THSD4: variants seen among roughly 807,000 people sequenced by gnomAD.
THSD4 encodes thrombospondin type 1 domain containing 4, also known as thrombospondin type-1 domain-containing protein 4.
In THSD4, 69 loss-of-function variants were observed where a neutral mutation model predicts 119.0. The observed-to-expected ratio is 0.58, with a 90% CI of 0.48 to 0.71. The LOEUF is 0.71. Among genes scored for constraint, THSD4 ranks in the 30% least tolerant of loss-of-function variants. The pLI is 0.00. For missense variants in THSD4, 1,393 were observed against 1,391.1 expected (o/e 1.00, Z -0.02); for synonymous variants, 524 against 540.4 (o/e 0.97, Z 0.42).
intron 7 of THSD4, among the ~76,000 whole-genome samples, chr15:71,473,830 A>T (rs147376072): frequency 1.3e-5 from 2 of 152,350 alleles, no homozygotes; most frequent in African/African-American, 2.4e-5. Context: ...GAAGGTTCTC[A>T]CCAGTGGAAG....
intron 4 of THSD4, among the ~76,000 whole-genome samples, chr15:71,229,978 C>T (rs530628659): frequency 1.3e-5 from 2 of 152,286 alleles, no homozygotes; most frequent in African/African-American, 4.8e-5. Context: ...GAGCCTTTCA[C>T]ATAAAAGATG....
chr15:71,548,261 C>T (rs1475455716), intron 7 of THSD4, among the ~76,000 whole-genome samples: 3 of 152,196 alleles, frequency 2.0e-5, no homozygotes, highest in Non-Finnish European at 4.4e-5. Context: ...CCACTCCTTT[C>T]CCTCCTTACC....
At chr15:71,447,982 G>A (rs1455363359) in intron 7 of THSD4, among the ~76,000 whole-genome samples, 1 of 152,168 alleles carries the variant, frequency 6.6e-6, no homozygotes, top group Non-Finnish European at 1.5e-5. Context: ...CTTTTCCTCT[G>A]GTAAACAGTA....
At chr15:71,504,069 G>GA (rs1195800096) in intron 7 of THSD4, among the ~76,000 whole-genome samples, 1 of 152,066 alleles carries the variant, frequency 6.6e-6, no homozygotes, top group Admixed American at 6.5e-5. Flanking sequence ...GGGAGAGGTG[G>GA]AAAAAAATGG....
At chr15:71,449,061 G>T (rs1174562016) in intron 7 of THSD4, among the ~76,000 whole-genome samples, 1 of 152,162 alleles carries the variant, frequency 6.6e-6, no homozygotes, top group East Asian at 1.9e-4. Flanking sequence ...AGCCTTACCA[G>T]TGTGCCTGTC....
At chr15:71,400,143 G>A (rs1339412254) in intron 6 of THSD4, among the ~76,000 whole-genome samples, 2 of 152,122 alleles carry the variant, frequency 1.3e-5, no homozygotes. Context: ...AAAGGACATT[G>A]CCTTTAGAAA....
chr15:71,755,353 A>G (rs1341922885), intron 14 of THSD4, among the ~76,000 whole-genome samples: 1 of 152,222 alleles, frequency 6.6e-6, no homozygotes, highest in Non-Finnish European at 1.5e-5. Flanking sequence ...GCATACAAAA[A>G]TGAAAGTGGA....
chr15:71,117,173 T>A (rs935622656), intron 1 of THSD4, among the ~76,000 whole-genome samples: 2 of 152,170 alleles, frequency 1.3e-5, no homozygotes, highest in Admixed American at 6.5e-5. Context: ...GTGGAACTCA[T>A]GTGATCTCCT....
intron 6 of THSD4, among the ~76,000 whole-genome samples, chr15:71,337,522 A>C (rs2045503960): frequency 1.3e-5 from 2 of 152,250 alleles, no homozygotes; most frequent in South Asian, 4.1e-4. Flanking sequence ...TCCCAAATGG[A>C]AACTGGATAA....
chr15:71,636,866 G>A (rs901794976), intron 7 of THSD4, among the ~76,000 whole-genome samples: 2 of 151,766 alleles, frequency 1.3e-5, no homozygotes, highest in Admixed American at 1.3e-4. Context: ...TGTGGGCCAG[G>A]CGCTCTCTCT....
chr15:71,719,295 A>G (rs2052669141), intron 8 of THSD4, among the ~76,000 whole-genome samples: 1 of 152,244 alleles, frequency 6.6e-6, no homozygotes, highest in South Asian at 2.1e-4. Flanking sequence ...ATCATGTTTT[A>G]GAAACTCACA....
chr15:71,706,601 C>T (rs147509831), intron 8 of THSD4, among the ~76,000 whole-genome samples: 19 of 152,238 alleles, frequency 1.2e-4, no homozygotes, highest in African/African-American at 4.1e-4. Flanking sequence ...CAGCTCCCTT[C>T]GGAGAGGAGA....
intron 3 of THSD4, chr15:71,165,187 G>A (rs1366319659): frequency 6.3e-7 from 1 of 1,576,956 alleles, no homozygotes; most frequent in East Asian, 2.2e-5. Context: ...GAGGGATGTA[G>A]GTTTTCATTT....
intron 8 of THSD4, among the ~76,000 whole-genome samples, chr15:71,724,092 A>G (rs113511643): frequency 0.019 from 2,612 of 140,612 alleles, 89 homozygotes; most frequent in African/African-American, 0.064. Flanking sequence ...AAAAAAAATG[A>G]ATAGAACTTG....
rs1046013859 is a variant in THSD4 at position 71,745,066 on chromosome 15, T to C, written c.1907-40T>C. 10 of 1,575,342 alleles carry C rather than the reference T, an allele frequency of 6.3e-6. No individual in the cohort carries two copies. In the Admixed American group the frequency reaches 1.2e-4, roughly 19 times the overall value. On this transcript the variant is annotated intron_variant, in intron 11 of 17. Coordinates refer to ENST00000261862, the MANE Select transcript of THSD4 (RefSeq NM_024817.3). ...CTCCACCCATAGCCCAGCTTTCCAG[T>C]GTGTGGGACTGTCCTTCAGACATTC...
At chr15:71,225,169 C>T (rs531232699) in intron 4 of THSD4, among the ~76,000 whole-genome samples, 1 of 152,254 alleles carries the variant, frequency 6.6e-6, no homozygotes, top group Admixed American at 6.5e-5. Flanking sequence ...CCATGCATCC[C>T]CACCCTACCC....
chr15:71,404,356 G>T (rs1382279647), intron 6 of THSD4, among the ~76,000 whole-genome samples: 1 of 152,040 alleles, frequency 6.6e-6, no homozygotes, highest in African/African-American at 2.4e-5. Context: ...GGCCTTATAT[G>T]ATTTGCTTCT....
At chr15:71,126,426 G>A (rs1256927669) in intron 1 of THSD4, among the ~76,000 whole-genome samples, 2 of 152,194 alleles carry the variant, frequency 1.3e-5, no homozygotes, top group African/African-American at 2.4e-5. Context: ...CTGTTCCCAC[G>A]TGGCCATCAT....
intron 8 of THSD4, among the ~76,000 whole-genome samples, chr15:71,676,904 A>G (rs1297009366): frequency 6.6e-6 from 1 of 152,188 alleles, no homozygotes; most frequent in African/African-American, 2.4e-5. Flanking sequence ...ATAATGCGCT[A>G]TGAACATTGG....
Sources: gnomAD v4.1 joint callset for allele counts (sites outside exome capture counted in the v4.1 genomes callset) on GRCh38, gnomAD v4.1.1 for gene constraint, MANE v1.5 for transcripts, NCBI Gene and HGNC (gene_info 2026-07-23, HGNC 2026-07-21) for gene names.